Variants in CEP112 observed in about 807,000 individuals in gnomAD.
CEP112 encodes the protein centrosomal protein 112.
CEP112 carries 127 observed loss-of-function variants against 153.0 expected under a neutral mutation model. That is an observed-to-expected ratio of 0.83 (90% confidence interval 0.72 to 0.96). The LOEUF is 0.96. Among genes scored for constraint, CEP112 ranks in the 40% least tolerant of loss-of-function variants. The probability of loss-of-function intolerance (pLI) is 0.00; values close to 1 mark genes in which losing one functional copy is unlikely to be tolerated. For synonymous variants in CEP112, 358 were observed against 374.4 expected (o/e 0.96, Z 0.51); for missense variants, 1,089 against 1,101.2 (o/e 0.99, Z 0.16).
At chr17:65,974,083 CTT>C (rs954952160) in intron 17 of CEP112, among the ~76,000 whole-genome samples, 1 of 146,472 alleles carries the variant, frequency 6.8e-6, no homozygotes. Flanking sequence ...TTTCTTACTT[CTT>C]TTTTTTTTTA....
In CEP112 at chr17:66,061,537, A is replaced by G. The variant is rs887739198; in HGVS notation, c.1074+1426T>C. 4.0e-5 allele frequency among the ~76,000 whole-genome samples: 6 copies of G among 150,200 alleles called. No homozygotes were observed. In the East Asian group the frequency reaches 7.9e-4, roughly 20 times the overall value. On this transcript the variant is annotated intron_variant, in intron 11 of 26. Transcript: ENST00000535342. ...TATGAAATCAATGTAAGTGCCCATC[A>G]AAGGATGAATGGATAAAGAAAATGT...
intron 24 of CEP112, among the ~76,000 whole-genome samples, chr17:65,670,172 G>T (rs1751595995): frequency 1.3e-5 from 2 of 150,364 alleles, no homozygotes; most frequent in East Asian, 1.9e-4. Flanking sequence ...TTTTGTTGTT[G>T]TTGTTGTTTT....
intron 21 of CEP112, among the ~76,000 whole-genome samples, chr17:65,840,573 G>C (rs1214367370): frequency 6.6e-6 from 1 of 151,888 alleles, no homozygotes; most frequent in African/African-American, 2.4e-5. Context: ...ATTGGTCTAG[G>C]CAAAGATTTT....
In CEP112 at chr17:65,774,073, T is replaced by C. The variant is rs889739652; in HGVS notation, c.2395-23349A>G. Among the ~76,000 whole-genome samples the C allele has an allele frequency of 2.2e-5, 3 of 134,160 alleles. No individual in the cohort carries two copies. In the Admixed American group the frequency reaches 2.4e-4, roughly 11 times the overall value. The allele number at this position is 134,160 out of a possible 152,430, so 88.0% of individuals were successfully genotyped here. On this transcript the variant is annotated intron_variant, in intron 21 of 26. Transcript: ENST00000535342. ...CTGCACTCCAGCCTGGGTGACAAAG[T>C]GAGGCTCCATCTCAAAAAAAAAAAA...
rs9914102 is a variant in CEP112 at position 65,894,333 on chromosome 17, T to C, written c.2163+7819A>G. ...GCTCTAGGATGAAGCTAACACTGCA[T>C]CAACATAAATTGTTTTTGAGGAGTC... On this transcript the variant is annotated intron_variant, in intron 20 of 26. Coordinates refer to ENST00000535342, the MANE Select transcript of CEP112 (RefSeq NM_001199165.4). Among the ~76,000 whole-genome samples the C allele has an allele frequency of 3.2e-3, 489 of 152,210 alleles. 3 individuals carry two copies. Among genetic ancestry groups the C allele is most frequent in the African/African-American group, 0.011 (471 of 41,556 alleles).
chr17:66,022,744 G>T (rs1377865335), intron 16 of CEP112, among the ~76,000 whole-genome samples: 2 of 144,176 alleles, frequency 1.4e-5, no homozygotes, highest in Admixed American at 1.4e-4. Context: ...GCCAGATAAA[G>T]AAGTAAAAAT....
At chr17:65,851,428 G>A (rs942657881) in intron 21 of CEP112, among the ~76,000 whole-genome samples, 23 of 152,100 alleles carry the variant, frequency 1.5e-4, no homozygotes, top group African/African-American at 5.6e-4. Flanking sequence ...ATGCTTATTA[G>A]ACAACTGAGG....
intron 4 of CEP112, among the ~76,000 whole-genome samples, chr17:66,161,075 C>T (rs775510874): frequency 5.9e-5 from 9 of 151,378 alleles, no homozygotes; most frequent in African/African-American, 1.2e-4. Context: ...AACAAACATA[C>T]GAAAAAAAGC....
intron 17 of CEP112, among the ~76,000 whole-genome samples, chr17:65,964,286 C>T (rs1345490600): frequency 6.6e-6 from 1 of 152,124 alleles, no homozygotes; most frequent in Non-Finnish European, 1.5e-5. Context: ...AATATTAGCT[C>T]AAAGATAATG....
intron 18 of CEP112, among the ~76,000 whole-genome samples, chr17:65,932,145 TTCATATAACA>T (rs1233268318): frequency 6.6e-6 from 1 of 152,138 alleles, no homozygotes; most frequent in Non-Finnish European, 1.5e-5. Flanking sequence ...CACACCTGAC[TTCATATAACA>T]GGCAGCAGCC....
chr17:65,858,399 A>C (rs1368658797), intron 20 of CEP112, among the ~76,000 whole-genome samples: 1 of 152,122 alleles, frequency 6.6e-6, no homozygotes, highest in African/African-American at 2.4e-5. Context: ...TAGATTATTT[A>C]GTTTCCTGTT....
At chr17:66,073,846 A>G (rs1203298836) in intron 8 of CEP112, among the ~76,000 whole-genome samples, 3 of 152,226 alleles carry the variant, frequency 2.0e-5, no homozygotes, top group Non-Finnish European at 4.4e-5. Context: ...AAAAAATTCT[A>G]TGGAGAAAAA....
chr17:66,180,933 T>G (rs534695861), intron 2 of CEP112, among the ~76,000 whole-genome samples: 44 of 152,276 alleles, frequency 2.9e-4, no homozygotes, highest in African/African-American at 1.0e-3. Flanking sequence ...TTTTTTGTAT[T>G]TTTTGATATG....
intron 6 of CEP112, among the ~76,000 whole-genome samples, chr17:66,111,689 G>C (rs1277142120): frequency 6.6e-6 from 1 of 151,928 alleles, no homozygotes; most frequent in African/African-American, 2.4e-5. Context: ...AAGAAACAAC[G>C]GACACTGGAG....
chr17:65,962,555 T>C (rs1230721216), intron 17 of CEP112, among the ~76,000 whole-genome samples: 1 of 152,170 alleles, frequency 6.6e-6, no homozygotes, highest in Non-Finnish European at 1.5e-5. Flanking sequence ...ATAGTTAACT[T>C]TGAATTCTAA....
chr17:66,040,738 C>T (rs1426022100), intron 12 of CEP112, among the ~76,000 whole-genome samples: 1 of 152,186 alleles, frequency 6.6e-6, no homozygotes, highest in Non-Finnish European at 1.5e-5. Flanking sequence ...GATCTGCCTC[C>T]CTTGGCCTTC....
intron 24 of CEP112, among the ~76,000 whole-genome samples, chr17:65,657,554 T>TG (rs2046123834): frequency 1.3e-5 from 2 of 152,140 alleles, no homozygotes; most frequent in African/African-American, 4.8e-5. Context: ...GGGGAAAACC[T>TG]GGGGGAGGGA....
chr17:65,749,593 T>C (rs1451645080), intron 22 of CEP112, among the ~76,000 whole-genome samples: 2 of 152,140 alleles, frequency 1.3e-5, no homozygotes, highest in African/African-American at 4.8e-5. Context: ...AACTTCCACT[T>C]TGAAGTCAGA....
intron 21 of CEP112, among the ~76,000 whole-genome samples, chr17:65,755,725 C>A (rs1394144746): frequency 6.6e-6 from 1 of 151,472 alleles, no homozygotes; most frequent in Non-Finnish European, 1.5e-5. Flanking sequence ...AGATTTTTGT[C>A]CTAAGCAACT....
Sources: gnomAD v4.1 joint callset for allele counts (sites outside exome capture counted in the v4.1 genomes callset) on GRCh38, gnomAD v4.1.1 for gene constraint, MANE v1.5 for transcripts, NCBI Gene and HGNC (gene_info 2026-07-23, HGNC 2026-07-21) for gene names.